The following CSGALNACT1 variants were observed in gnomAD, a reference collection of about 807,000 sequenced individuals.
CSGALNACT1 encodes the protein beta4GalNAcT-1.
In CSGALNACT1, 52 loss-of-function variants were observed where a neutral mutation model predicts 51.0. The observed-to-expected ratio is 1.02, with a 90% CI of 0.82 to 1.29. The LOEUF (loss-of-function observed/expected upper bound fraction) is 1.29. Ranked by LOEUF, CSGALNACT1 falls within the 50% of genes most tolerant of loss-of-function variation. The pLI, the probability that CSGALNACT1 is intolerant of heterozygous loss-of-function variation, is 0.00. For missense variants in CSGALNACT1, 935 were observed against 679.2 expected (o/e 1.38, Z -4.19); for synonymous variants, 341 against 254.4 (o/e 1.34, Z -3.24).
chr8:19,437,436 G>A (rs1232021020), intron 6 of CSGALNACT1, among the ~76,000 whole-genome samples: 1 of 152,148 alleles, frequency 6.6e-6, no homozygotes, highest in Non-Finnish European at 1.5e-5. Context: ...CTGGAAGGTA[G>A]AGTGTGGTAT....
At chr8:19,744,488 C>T (rs1022262730) in intron 1 of CSGALNACT1, among the ~76,000 whole-genome samples, 4 of 152,188 alleles carry the variant, frequency 2.6e-5, no homozygotes, top group African/African-American at 9.7e-5. Context: ...ATTAGTCCTC[C>T]TTTTTATTAC....
chr8:19,453,724 G>A (rs898284744), intron 5 of CSGALNACT1, among the ~76,000 whole-genome samples: 13 of 152,006 alleles, frequency 8.6e-5, no homozygotes, highest in Admixed American at 4.6e-4. Flanking sequence ...CCAGCCTGGC[G>A]AACATGGTGA....
At chr8:19,648,665 G>A (rs1271345885) in intron 1 of CSGALNACT1, among the ~76,000 whole-genome samples, 1 of 152,068 alleles carries the variant, frequency 6.6e-6, no homozygotes, top group Admixed American at 6.5e-5. Flanking sequence ...AAAATTAGCT[G>A]GGCATGGTGG....
Position 19,454,611 on chromosome 8 carries a change from T to A in CSGALNACT1, c.851+3815A>T, listed in dbSNP as rs2063751670. Among the ~76,000 whole-genome samples, 4 of 152,024 alleles carry A rather than the reference T, an allele frequency of 2.6e-5. No individual in the cohort carries two copies. In the South Asian group the frequency reaches 8.3e-4, roughly 32 times the overall value. ...GCTTGAACCTGGGAGATGGAGGCTG[T>A]GGTGAGCTAAGGTTCTGCCACTGCA... On this transcript the variant is annotated intron_variant, in intron 5 of 9. Transcript: ENST00000454498.
At chr8:19,419,777 A>G (rs1263521141) in intron 7 of CSGALNACT1, among the ~76,000 whole-genome samples, 1 of 152,150 alleles carries the variant, frequency 6.6e-6, no homozygotes, top group Non-Finnish European at 1.5e-5. Context: ...GAGTCCCAGA[A>G]TTATGGTGGC....
intron 4 of CSGALNACT1, among the ~76,000 whole-genome samples, chr8:19,472,239 C>T (rs981537970): frequency 1.3e-5 from 2 of 152,174 alleles, no homozygotes; most frequent in African/African-American, 4.8e-5. Context: ...GTAGGACTTC[C>T]TCTGCAAACA....
At chr8:19,439,965 G>C (rs1301768256) in intron 5 of CSGALNACT1, 34 bp from the exon 5 acceptor site, 2 of 1,540,560 alleles carry the variant, frequency 1.3e-6, no homozygotes, top group Non-Finnish European at 1.8e-6. Flanking sequence ...TCTGGCACCT[G>C]TTTTCACACT....
intron 1 of CSGALNACT1, among the ~76,000 whole-genome samples, chr8:19,663,722 T>C (rs917450591): frequency 2.6e-5 from 4 of 152,238 alleles, no homozygotes; most frequent in Admixed American, 2.6e-4. Flanking sequence ...CTGGAATAAC[T>C]TGAGGAAAAC....
At chr8:19,702,935 T>C (rs2061962764) in intron 1 of CSGALNACT1, among the ~76,000 whole-genome samples, 1 of 152,050 alleles carries the variant, frequency 6.6e-6, no homozygotes, top group Non-Finnish European at 1.5e-5. Flanking sequence ...ATCCACTTCT[T>C]CCCCTACACC....
intron 5 of CSGALNACT1, among the ~76,000 whole-genome samples, chr8:19,441,614 C>T (rs2061342848): frequency 6.6e-6 from 1 of 152,206 alleles, no homozygotes. Flanking sequence ...ACCATAAAAA[C>T]CCTAGAAGAA....
intron 3 of CSGALNACT1, among the ~76,000 whole-genome samples, 154 bp from the exon 3 acceptor site, chr8:19,506,284 C>T (rs186342451): frequency 2.0e-5 from 3 of 152,268 alleles, no homozygotes; most frequent in Admixed American, 6.5e-5. Flanking sequence ...TAAATCAGAA[C>T]ACAAACGCAC....
chr8:19,681,858 C>T (rs1564417470), intron 1 of CSGALNACT1, among the ~76,000 whole-genome samples: 2 of 152,270 alleles, frequency 1.3e-5, no homozygotes, highest in African/African-American at 4.8e-5. Flanking sequence ...TTCACAGGGC[C>T]CCCAAGACAT....
chr8:19,512,340 C>A (rs1480201108), intron 3 of CSGALNACT1, among the ~76,000 whole-genome samples: 1 of 152,168 alleles, frequency 6.6e-6, no homozygotes, highest in Non-Finnish European at 1.5e-5. Context: ...ATGACTGCAA[C>A]CAGAGAGCTT....
chr8:19,681,980 A>G lies in CSGALNACT1; in HGVS notation c.-544+493T>C, dbSNP rs905328251. 3.3e-5 allele frequency among the ~76,000 whole-genome samples: 5 copies of G among 152,306 alleles called. No homozygotes were observed. In the East Asian group the frequency reaches 5.8e-4, roughly 18 times the overall value. On this transcript the variant is annotated intron_variant, in intron 1 of 9. Transcript: ENST00000332246. ...AGGGTGAAGCACTTCACCAGTTTGCATAAGAGAGGTTGTCTGCAGAGGTGT... is the reference window on the plus strand; with the variant it reads ...AGGGTGAAGCACTTCACCAGTTTGCGTAAGAGAGGTTGTCTGCAGAGGTGT...
At chr8:19,452,014 A>C (rs776185095) in intron 5 of CSGALNACT1, among the ~76,000 whole-genome samples, 7 of 152,248 alleles carry the variant, frequency 4.6e-5, no homozygotes, top group Non-Finnish European at 1.0e-4. Context: ...CTGAAATAGC[A>C]ATCATTGCAA....
At position 19,584,060 on chromosome 8, in the gene CSGALNACT1, TA is replaced by T. The variant is rs374142345; in HGVS notation, c.-297+7099del. 6.4e-3 allele frequency among the ~76,000 whole-genome samples: 978 copies of T among 152,310 alleles called. 8 individuals carry two copies. The highest frequency in any genetic ancestry group is 0.023 in the African/African-American group (949 of 41,560). On this transcript the variant is annotated intron_variant, in intron 3 of 9. Transcript: ENST00000454498. ...TCATAGACTCAGCCCAAGTGTTTCT[TA>T]AAAATACTCCAATTAAAGGCAACAC...
chr8:19,468,581 C>A (rs1355298382), intron 4 of CSGALNACT1, among the ~76,000 whole-genome samples: 1 of 151,842 alleles, frequency 6.6e-6, no homozygotes, highest in Non-Finnish European at 1.5e-5. Flanking sequence ...GAAAGAACCA[C>A]GATGGTTTAG....
chr8:19,534,167 T>C (rs2083309749), intron 3 of CSGALNACT1, among the ~76,000 whole-genome samples: 1 of 152,264 alleles, frequency 6.6e-6, no homozygotes, highest in South Asian at 2.1e-4. Context: ...AAGTTGCATA[T>C]GAGGCCGGGT....
At chr8:19,631,347 C>T (rs1213418897) in intron 1 of CSGALNACT1, among the ~76,000 whole-genome samples, 1 of 152,208 alleles carries the variant, frequency 6.6e-6, no homozygotes, top group Non-Finnish European at 1.5e-5. Context: ...TGTTGCTCCA[C>T]ATCCTTGCTG....
Sources: gnomAD v4.1 joint callset for allele counts (sites outside exome capture counted in the v4.1 genomes callset) on GRCh38, gnomAD v4.1.1 for gene constraint, MANE v1.5 for transcripts, NCBI Gene and HGNC (gene_info 2026-07-23, HGNC 2026-07-21) for gene names.